Variants in RUNX1 observed in about 807,000 individuals in gnomAD.
The protein encoded by RUNX1 is RUNX family transcription factor 1.
In RUNX1, 19 loss-of-function variants were observed where a neutral mutation model predicts 42.8. The observed-to-expected ratio is 0.44, with a 90% CI of 0.31 to 0.65. The LOEUF is 0.65. Ranked by LOEUF, RUNX1 falls within the 30% of genes least tolerant of loss-of-function variation. The probability of loss-of-function intolerance (pLI) is 0.07; values close to 1 mark genes in which losing one functional copy is unlikely to be tolerated. For missense variants in RUNX1, 528 were observed against 672.0 expected, an observed-to-expected ratio of 0.79 and a Z score of 2.37; for synonymous variants, 271 against 289.4, an observed-to-expected ratio of 0.94 and a Z score of 0.64.
chr21:34,826,509 C>G (rs2056990705), intron 7 of RUNX1, among the ~76,000 whole-genome samples: 1 of 142,648 alleles, frequency 7.0e-6, no homozygotes, highest in Admixed American at 7.6e-5. Context: ...ATGATCTCAG[C>G]TCACTGCAAC....
At chr21:34,985,091 A>T (rs551200565) in intron 2 of RUNX1, among the ~76,000 whole-genome samples, 2 of 152,362 alleles carry the variant, frequency 1.3e-5, no homozygotes, top group African/African-American at 4.8e-5. Context: ...AATAATACTT[A>T]GAAGACTTAG....
At chr21:34,853,510 C>G (rs2057454000) in intron 6 of RUNX1, among the ~76,000 whole-genome samples, 1 of 152,138 alleles carries the variant, frequency 6.6e-6, no homozygotes, top group Non-Finnish European at 1.5e-5. Context: ...ATCTGGACGC[C>G]TTAGTTTACA....
At position 34,788,032 on chromosome 21, in the gene RUNX1, T is replaced by C. The variant is rs2056389775; in HGVS notation, c.*4103A>G. ...CAGTGCAGTGCCTGCTCTCCTGTGC[T>C]ATCTAGAAACACCTTGGAGAGAGGG... On this transcript the variant is annotated 3_prime_UTR_variant, in exon 9 of 9. Coordinates refer to ENST00000675419, the MANE Select transcript of RUNX1 (RefSeq NM_001754.5). 1 of 233,214 alleles carries C rather than the reference T, an allele frequency of 4.3e-6. No homozygotes were observed. The highest frequency in any genetic ancestry group is 8.5e-6 in the Non-Finnish European group (1 of 118,066). The allele number at this position is 233,214 out of a possible 1,614,324, so 14.4% of individuals were successfully genotyped here. A position where few individuals can be genotyped will look rare whatever the true frequency, so the allele number is the denominator to read the frequency against.
At chr21:34,817,929 C>T (rs766779616) in intron 7 of RUNX1, among the ~76,000 whole-genome samples, 3 of 152,218 alleles carry the variant, frequency 2.0e-5, no homozygotes, top group Non-Finnish European at 4.4e-5. Flanking sequence ...TGTCTGCAGA[C>T]GTAAGTCCTG....
intron 2 of RUNX1, among the ~76,000 whole-genome samples, chr21:34,960,058 A>G (rs1374582140): frequency 6.6e-6 from 1 of 152,102 alleles, no homozygotes; most frequent in East Asian, 1.9e-4. Flanking sequence ...GACACAGAAG[A>G]GCAGAACTCA....
At chr21:34,956,661 A>G (rs1227381532) in intron 2 of RUNX1, among the ~76,000 whole-genome samples, 1 of 152,158 alleles carries the variant, frequency 6.6e-6, no homozygotes, top group African/African-American at 2.4e-5. Context: ...TTGGGCATGA[A>G]TGGGTGACTA....
intron 8 of RUNX1, among the ~76,000 whole-genome samples, chr21:34,797,685 C>T (rs149500207): frequency 6.6e-6 from 1 of 152,358 alleles, no homozygotes; most frequent in East Asian, 1.9e-4. Flanking sequence ...GATACCTGTG[C>T]TACTCTCAAT....
rs1175570594 is a variant in RUNX1, at chr21:34,909,947, T to C, written c.59-16984A>G. 3.9e-5 allele frequency among the ~76,000 whole-genome samples: 6 copies of C among 152,268 alleles called. No homozygotes were observed. In the East Asian group the frequency reaches 1.2e-3, roughly 29 times the overall value. On this transcript the variant is annotated intron_variant, in intron 2 of 8. Coordinates refer to ENST00000675419, the MANE Select transcript of RUNX1 (RefSeq NM_001754.5). ...TCCTTCCGCCTCTTCCTCCTCCTCC[T>C]TCTTCTTCAACTATTATCTACCAAG... is the stretch of plus-strand genomic sequence containing the variant.
At chr21:34,864,851 G>C (rs1161793874) in intron 5 of RUNX1, among the ~76,000 whole-genome samples, 1 of 152,198 alleles carries the variant, frequency 6.6e-6, no homozygotes, top group Non-Finnish European at 1.5e-5. Flanking sequence ...GATGAGGTTT[G>C]TCTTGATGTA....
intron 2 of RUNX1, among the ~76,000 whole-genome samples, chr21:35,043,864 G>A (rs1449551618): frequency 6.6e-6 from 1 of 152,150 alleles, no homozygotes; most frequent in Non-Finnish European, 1.5e-5. Context: ...CAAGGAGCAG[G>A]GAAAATGGGA....
intron 6 of RUNX1, among the ~76,000 whole-genome samples, chr21:34,851,729 T>C (rs570749268): frequency 6.6e-6 from 1 of 152,362 alleles, no homozygotes; most frequent in African/African-American, 2.4e-5. Flanking sequence ...AGAAATTCAA[T>C]GTAATGGTGT....
At chr21:34,917,980 T>G (rs2058324422) in intron 2 of RUNX1, among the ~76,000 whole-genome samples, 1 of 151,588 alleles carries the variant, frequency 6.6e-6, no homozygotes, top group Non-Finnish European at 1.5e-5. Flanking sequence ...AATACAAAAA[T>G]TAGGTAGGCT....
At chr21:34,847,065 C>T (rs1212066189) in intron 6 of RUNX1, among the ~76,000 whole-genome samples, 1 of 152,218 alleles carries the variant, frequency 6.6e-6, no homozygotes. Flanking sequence ...GACTCAGCAA[C>T]TCTTAGGTGC....
intron 2 of RUNX1, among the ~76,000 whole-genome samples, chr21:34,981,458 C>A (rs2058845943): frequency 6.6e-6 from 1 of 152,146 alleles, no homozygotes; most frequent in South Asian, 2.1e-4. Flanking sequence ...GTCCCTGGAC[C>A]TATTCTAGAA....
At chr21:34,947,995 C>T (rs1429864301) in intron 2 of RUNX1, among the ~76,000 whole-genome samples, 4 of 152,094 alleles carry the variant, frequency 2.6e-5, no homozygotes, top group African/African-American at 7.2e-5. Context: ...CAGTCAGCTC[C>T]CCTCCTGTGG....
At chr21:34,988,224 C>T (rs1305632710) in intron 2 of RUNX1, among the ~76,000 whole-genome samples, 2 of 152,184 alleles carry the variant, frequency 1.3e-5, no homozygotes, top group Admixed American at 1.3e-4. Context: ...GCTCCTGGTG[C>T]CCCTGGGGTC....
chr21:34,809,353 G>A (rs1487892679), intron 7 of RUNX1, among the ~76,000 whole-genome samples: 2 of 151,914 alleles, frequency 1.3e-5, no homozygotes, highest in Non-Finnish European at 2.9e-5. Flanking sequence ...TTGAGGGCTG[G>A]GATATCTCAA....
chr21:34,987,592 G>A (rs571332051), intron 2 of RUNX1, among the ~76,000 whole-genome samples: 1 of 152,294 alleles, frequency 6.6e-6, no homozygotes, highest in African/African-American at 2.4e-5. Flanking sequence ...AATCACAAAT[G>A]TGAGTCTGGT....
At chr21:34,958,474 G>A (rs2058660992) in intron 2 of RUNX1, among the ~76,000 whole-genome samples, 1 of 152,174 alleles carries the variant, frequency 6.6e-6, no homozygotes, top group African/African-American at 2.4e-5. Context: ...GGCCATCAGA[G>A]AAATGCAAAT....
Sources: allele counts gnomAD v4.1 joint callset (sites outside exome capture counted in the v4.1 genomes callset), GRCh38; gene constraint gnomAD v4.1.1; transcripts MANE v1.5; gene names NCBI Gene and HGNC (gene_info 2026-07-23, HGNC 2026-07-21).